Variants in AHCTF1 observed in about 807,000 individuals in gnomAD.
AHCTF1 encodes the protein AT-hook containing transcription factor 1, also known as protein ELYS.
A neutral mutation model predicts 248.4 loss-of-function variants in AHCTF1; 24 were observed. That is an observed-to-expected ratio of 0.10 (90% confidence interval 0.07 to 0.14). The LOEUF is 0.14. Ranked by LOEUF, AHCTF1 falls within the 10% of genes least tolerant of loss-of-function variation. The pLI is 1.00. For synonymous variants in AHCTF1, 786 were observed against 929.8 expected, an observed-to-expected ratio of 0.85 and a Z score of 2.81; for missense variants, 2,206 against 2,636.2, an observed-to-expected ratio of 0.84 and a Z score of 3.57.
chr1:246,881,058 G>A (rs1466692742), intron 21 of AHCTF1, among the ~76,000 whole-genome samples: 5 of 152,098 alleles, frequency 3.3e-5, no homozygotes, highest in Non-Finnish European at 7.3e-5. Context: ...GAAATGCACG[G>A]TGGAGACCAC....
chr1:246,899,458 T>C lies in AHCTF1; in HGVS notation c.1487A>G (p.Gln496Arg). 6.2e-7 allele frequency: 1 copy of C among 1,606,638 alleles called. No homozygotes were observed. Among genetic ancestry groups the C allele is most frequent in the African/African-American group, 1.3e-5 (1 of 74,604 alleles). The change falls in exon 11 of 36, where the codon CAG becomes CGG. Residue 496 changes from glutamine to arginine, a missense_variant. By Grantham distance (43) the Gln-to-Arg change is conservative (BLOSUM62 1). Coordinates refer to ENST00000648844, the MANE Select transcript of AHCTF1 (RefSeq NM_001323342.2). ...TCACTAGTTGTTACCTACCTCCTTC[T>C]GAAAGCCAGTACAAGTTAAATGAAC... ...GVVHLTCTGF[Q>R]KETLTFLKKS...
chr1:246,868,550 G>A (rs907707865), intron 24 of AHCTF1, among the ~76,000 whole-genome samples: 1 of 151,444 alleles, frequency 6.6e-6, no homozygotes, highest in Admixed American at 6.6e-5. Flanking sequence ...CACCGGCCTG[G>A]CCTACATTTT....
chr1:246,854,704 T>C (rs1397685687), intron 31 of AHCTF1, among the ~76,000 whole-genome samples: 1 of 152,148 alleles, frequency 6.6e-6, no homozygotes, highest in Non-Finnish European at 1.5e-5. Flanking sequence ...CTCTAGGAAA[T>C]GGGTCTTATT....
At chr1:246,924,175 C>A (rs1345286236) in intron 1 of AHCTF1, among the ~76,000 whole-genome samples, 2 of 152,162 alleles carry the variant, frequency 1.3e-5, no homozygotes, top group African/African-American at 2.4e-5. Flanking sequence ...AACAGGATAA[C>A]AGCCACTTCT....
chr1:246,903,353 A>C (rs896678402), intron 7 of AHCTF1, among the ~76,000 whole-genome samples: 3 of 152,202 alleles, frequency 2.0e-5, no homozygotes, highest in Non-Finnish European at 4.4e-5. Flanking sequence ...AGAGCAACAA[A>C]GTGGAATTAT....
chr1:246,875,429 T>C (rs562024548), intron 24 of AHCTF1, among the ~76,000 whole-genome samples: 2 of 152,252 alleles, frequency 1.3e-5, no homozygotes, highest in Admixed American at 6.5e-5. Flanking sequence ...TGTTACTCAC[T>C]AGGCATTTAG....
At chr1:246,917,968 T>G (rs1022446956) in intron 2 of AHCTF1, among the ~76,000 whole-genome samples, 2 of 152,142 alleles carry the variant, frequency 1.3e-5, no homozygotes, top group African/African-American at 4.8e-5. Context: ...GAAAAACTAG[T>G]TGCATGTTAC....
At chr1:246,908,383 A>G (rs1383383101) in intron 4 of AHCTF1, among the ~76,000 whole-genome samples, 1 of 151,788 alleles carries the variant, frequency 6.6e-6, no homozygotes, top group East Asian at 1.9e-4. Context: ...CACCTACAAA[A>G]GACCTTATAT....
intron 24 of AHCTF1, among the ~76,000 whole-genome samples, chr1:246,868,099 A>G (rs1321084086): frequency 1.3e-5 from 2 of 149,756 alleles, no homozygotes; most frequent in Non-Finnish European, 3.0e-5. Flanking sequence ...AGTAGATGGG[A>G]TTACAGGCAT....
chr1:246,870,061 T>C (rs1451066021), intron 24 of AHCTF1, among the ~76,000 whole-genome samples: 2 of 105,482 alleles, frequency 1.9e-5, no homozygotes, highest in Non-Finnish European at 3.5e-5. Flanking sequence ...GGTGATTCCA[T>C]CTTTCATGAA....
intron 33 of AHCTF1, 85 bp downstream of exon 33, chr1:246,849,530 T>C (rs540500286): frequency 2.0e-6 from 3 of 1,503,398 alleles, no homozygotes; most frequent in Admixed American, 2.3e-5. Flanking sequence ...AAATTCCCTA[T>C]AAAACCATTT....
chr1:246,858,989 G>A (rs933307040), intron 29 of AHCTF1, among the ~76,000 whole-genome samples: 16 of 152,094 alleles, frequency 1.1e-4, no homozygotes, highest in Admixed American at 9.2e-4. Flanking sequence ...CTACTTGGGA[G>A]GCTGAGGCAA....
In AHCTF1 at chr1:246,850,565, C is replaced by T. The variant is rs1314785487; in HGVS notation, c.5441G>A (p.Arg1814Lys). The change falls in exon 33 of 36, where the codon AGA becomes AAA. Residue 1814 changes from arginine to lysine, a missense_variant. Physicochemically the swap from Arg to Lys is conservative, Grantham distance 26 (BLOSUM62 2). Coordinates refer to ENST00000648844, the MANE Select transcript of AHCTF1 (RefSeq NM_001323342.2). ...QNSVTPRRGRRKKEVNQDILE... is the reference protein window; with the variant it reads ...QNSVTPRRGRKKKEVNQDILE... ...TATGTCCTGATTAACTTCTTTCTTTCTCCTTCCTCTCCTAGGCGTAACAGA... is the reference window on the plus strand; with the variant it reads ...TATGTCCTGATTAACTTCTTTCTTTTTCCTTCCTCTCCTAGGCGTAACAGA... 1 of 1,609,318 alleles carries T rather than the reference C, an allele frequency of 6.2e-7. No individual in the cohort carries two copies. The highest frequency in any genetic ancestry group is 1.7e-5 in the Admixed American group (1 of 59,316).
At chr1:246,867,995 C>T (rs1662135235) in intron 24 of AHCTF1, among the ~76,000 whole-genome samples, 184 bp from the exon 25 acceptor site, 1 of 144,150 alleles carries the variant, frequency 6.9e-6, no homozygotes, top group South Asian at 2.2e-4. Flanking sequence ...ACCAGTCTTG[C>T]TGTGTCACTC....
rs1315814372 is a variant in AHCTF1, at chr1:246,850,477, T to A, written c.5529A>T (p.Arg1843Ser). The A allele has an allele frequency of 1.9e-6, 3 of 1,598,340 alleles. No individual in the cohort carries two copies. Among genetic ancestry groups the A allele is most frequent in the Non-Finnish European group, 2.6e-6 (3 of 1,173,778 alleles). The change falls in exon 33 of 36, where the codon AGA (arginine) becomes AGT (serine). Residue 1843 changes from arginine to serine, a missense_variant. This residue lies in a region of AHCTF1 where 29 missense variants were observed against 57.1 expected (regional missense o/e 0.51). Transcript: ENST00000648844. ...LQITTGRESK[R>S]LKSSQLLEPA... ...GTTCCAACAGCTGAGATGATTTTAA[T>A]CTTTTTGATTCCCTACCTGTAGTGA... is the stretch of plus-strand genomic sequence containing the variant.
chr1:246,877,341 G>C, intron 21 of AHCTF1, 39 bp from the exon 22 acceptor site: 1 of 1,515,078 alleles, frequency 6.6e-7, no homozygotes, highest in Non-Finnish European at 8.8e-7. Context: ...TTTAGAAAAA[G>C]CTATTTAAAT....
chr1:246,930,049 C>T (rs1351843252), intron 1 of AHCTF1, among the ~76,000 whole-genome samples: 1 of 125,634 alleles, frequency 8.0e-6, no homozygotes. Context: ...AAGACCCCGT[C>T]TCAAAAAAAA....
In AHCTF1 at chr1:246,848,589, G is replaced by A. The variant is rs73142224; in HGVS notation, c.6391+1026C>T. Among the ~76,000 whole-genome samples, 1,470 of 151,898 alleles carry A rather than the reference G, an allele frequency of 9.7e-3. 22 individuals are homozygous for A. The highest frequency in any genetic ancestry group is 0.034 in the African/African-American group (1,390 of 41,394). On this transcript the variant is annotated intron_variant, in intron 33 of 35. Coordinates refer to ENST00000648844, the MANE Select transcript of AHCTF1 (RefSeq NM_001323342.2). ...ACTTAAATAGTCAACTACATGGCTG[G>A]GTGTGGTGGCTCACGCCTGTAATCC...
At chr1:246,853,362 G>GCAAA in intron 31 of AHCTF1, 63 bp from the exon 32 acceptor site, 1 of 1,384,420 alleles carries the variant, frequency 7.2e-7, no homozygotes, top group South Asian at 1.3e-5. Context: ...ACACAAGGAA[G>GCAAA]CAAACAGAAA....
Sources: gnomAD v4.1 joint callset for allele counts (sites outside exome capture counted in the v4.1 genomes callset) on GRCh38, gnomAD v4.1.1 for gene constraint, gnomAD v4.1.1 regional missense constraint, MANE v1.5 for transcripts, NCBI Gene and HGNC (gene_info 2026-07-23, HGNC 2026-07-21) for gene names.